Variants in KCND2 observed in about 807,000 individuals in gnomAD.
The protein encoded by KCND2 is A-type voltage-gated potassium channel KCND2.
Under a neutral mutation model 54.4 loss-of-function variants are expected in KCND2, and 16 were observed. That is an observed-to-expected ratio of 0.29 (90% CI 0.20 to 0.45). The LOEUF (loss-of-function observed/expected upper bound fraction) is 0.45. Ranked by LOEUF, KCND2 falls within the 20% of genes least tolerant of loss-of-function variation. KCND2 has a pLI of 1.00. For synonymous variants in KCND2, 317 were observed against 310.7 expected, an observed-to-expected ratio of 1.02 and a Z score of -0.21; for missense variants, 486 against 824.2, an observed-to-expected ratio of 0.59 and a Z score of 5.02.
intron 1 of KCND2, among the ~76,000 whole-genome samples, chr7:120,679,266 G>C (rs1481937807): frequency 6.6e-6 from 1 of 151,572 alleles, no homozygotes; most frequent in Non-Finnish European, 1.5e-5. Flanking sequence ...GCTTCTATAT[G>C]CTATTTCCAA....
chr7:120,586,677 T>A (rs1264709122), intron 1 of KCND2, among the ~76,000 whole-genome samples: 2 of 152,204 alleles, frequency 1.3e-5, no homozygotes, highest in East Asian at 3.8e-4. Context: ...AGATTTTCAC[T>A]GCTTTCTCAA....
chr7:120,644,265 GT>G (rs1310537078), intron 1 of KCND2, among the ~76,000 whole-genome samples: 6 of 152,102 alleles, frequency 3.9e-5, no homozygotes, highest in African/African-American at 1.4e-4. Context: ...GGGCATTCCT[GT>G]TTTCAACTCT....
intron 1 of KCND2, among the ~76,000 whole-genome samples, chr7:120,292,857 T>A (rs1156279777): frequency 6.6e-6 from 1 of 151,820 alleles, no homozygotes; most frequent in Non-Finnish European, 1.5e-5. Flanking sequence ...CATTCAAACT[T>A]TTGTTGTATA....
chr7:120,395,486 G>A (rs1336713669), intron 1 of KCND2, among the ~76,000 whole-genome samples: 2 of 151,986 alleles, frequency 1.3e-5, no homozygotes, highest in Non-Finnish European at 2.9e-5. Flanking sequence ...GGCCTAGCCT[G>A]GGAGAGTTCT....
At chr7:120,455,581 C>T (rs1802186958) in intron 1 of KCND2, among the ~76,000 whole-genome samples, 1 of 152,124 alleles carries the variant, frequency 6.6e-6, no homozygotes, top group African/African-American at 2.4e-5. Context: ...TGGAATCAAC[C>T]TGAATTCTCA....
At chr7:120,710,526 T>C (rs1792524442) in intron 1 of KCND2, among the ~76,000 whole-genome samples, 1 of 152,194 alleles carries the variant, frequency 6.6e-6, no homozygotes, top group Non-Finnish European at 1.5e-5. Flanking sequence ...ATATCTTCAC[T>C]GTCCTTTGAG....
chr7:120,469,155 C>A (rs900649678), intron 1 of KCND2, among the ~76,000 whole-genome samples: 2 of 152,092 alleles, frequency 1.3e-5, no homozygotes, highest in African/African-American at 2.4e-5. Context: ...GGTATAAATT[C>A]TTCAAATGTC....
At chr7:120,529,852 G>A (rs552526349) in intron 1 of KCND2, among the ~76,000 whole-genome samples, 1 of 152,216 alleles carries the variant, frequency 6.6e-6, no homozygotes, top group East Asian at 1.9e-4. Flanking sequence ...CGAGGCCGAG[G>A]CAGGAGGATC....
At chr7:120,658,574 G>C (rs1791830718) in intron 1 of KCND2, among the ~76,000 whole-genome samples, 1 of 152,030 alleles carries the variant, frequency 6.6e-6, no homozygotes. Flanking sequence ...CACCATTACT[G>C]TTTTCCATGA....
rs147634053 is a variant in KCND2, at chr7:120,652,161, C to T, written c.1116-80742C>T. Among the ~76,000 whole-genome samples the T allele has an allele frequency of 1.7e-3, 257 of 151,980 alleles. 3 individuals carry two copies. The highest frequency in any genetic ancestry group is 5.9e-3 in the African/African-American group (244 of 41,462). ...CACAGTCTTGGCTTACTCCAAACTCCGCCTCCCGGGTTCAAGTGATTCCCC... is the reference window on the plus strand; with the variant it reads ...CACAGTCTTGGCTTACTCCAAACTCTGCCTCCCGGGTTCAAGTGATTCCCC... On this transcript the variant is annotated intron_variant, in intron 1 of 5. Transcript: ENST00000331113.
chr7:120,473,486 A>G lies in KCND2; in HGVS notation c.1115+197739A>G, dbSNP rs185857406. Among the ~76,000 whole-genome samples the G allele has an allele frequency of 3.7e-3, 558 of 152,246 alleles. 3 individuals are homozygous for G. Among genetic ancestry groups the G allele is most frequent in the African/African-American group, 0.013 (531 of 41,542 alleles). ...TCATTCAGAACACTGCTCAAATGTC[A>G]TCTTCTCAAAAAGGCCTTCTCTGAT... On this transcript the variant is annotated intron_variant, in intron 1 of 5. Coordinates refer to ENST00000331113, the MANE Select transcript of KCND2 (RefSeq NM_012281.3).
Position 120,563,301 on chromosome 7 carries a change from T to C in KCND2, c.1116-169602T>C, listed in dbSNP as rs147383608. On this transcript the variant is annotated intron_variant, in intron 1 of 5. Transcript: ENST00000331113. ...TAAAGGGCCCATAAAACCCTTCCTC[T>C]TGTATTTTCTATCTCAGATTGCAAC... 2.3e-3 allele frequency among the ~76,000 whole-genome samples: 347 copies of C among 152,282 alleles called. 1 individual carries two copies. Among genetic ancestry groups the C allele is most frequent in the Non-Finnish European group, 2.8e-3 (188 of 68,008 alleles).
chr7:120,553,980 C>A (rs1792131949), intron 1 of KCND2, among the ~76,000 whole-genome samples: 1 of 152,144 alleles, frequency 6.6e-6, no homozygotes. Flanking sequence ...CCTTTGACTT[C>A]TTGACCTTGG....
intron 1 of KCND2, among the ~76,000 whole-genome samples, chr7:120,456,193 A>G (rs1275065301): frequency 6.6e-6 from 1 of 152,190 alleles, no homozygotes; most frequent in Non-Finnish European, 1.5e-5. Context: ...CATTTGAATC[A>G]AGAATAATAT....
intron 1 of KCND2, among the ~76,000 whole-genome samples, chr7:120,397,035 T>G (rs1291924398): frequency 6.6e-6 from 1 of 151,978 alleles, no homozygotes; most frequent in Non-Finnish European, 1.5e-5. Flanking sequence ...TATCTGATTT[T>G]CTTTCTTAGT....
rs189447744 is a variant in KCND2 at position 120,706,060 on chromosome 7, G to A, written c.1116-26843G>A. Among the ~76,000 whole-genome samples, 41 of 152,150 alleles carry A rather than the reference G, an allele frequency of 2.7e-4. No individual in the cohort carries two copies. In the East Asian group the frequency reaches 7.6e-3, roughly 28 times the overall value. ...CATGCAGTTCACCATCTATTTCATA[G>A]GGTTAGACTGTAGGAAGACCCTGGG... On this transcript the variant is annotated intron_variant, in intron 1 of 5. Transcript: ENST00000331113.
At chr7:120,309,874 A>G (rs1799711887) in intron 1 of KCND2, among the ~76,000 whole-genome samples, 1 of 152,192 alleles carries the variant, frequency 6.6e-6, no homozygotes, top group South Asian at 2.1e-4. Flanking sequence ...AACCAGTCAC[A>G]GGGAATTTCT....
intron 1 of KCND2, among the ~76,000 whole-genome samples, chr7:120,316,443 T>A (rs1056835800): frequency 6.6e-6 from 1 of 152,236 alleles, no homozygotes; most frequent in African/African-American, 2.4e-5. Flanking sequence ...AACTTACATT[T>A]AAATCAAAAC....
chr7:120,665,573 G>A (rs1214596246), intron 1 of KCND2, among the ~76,000 whole-genome samples: 1 of 152,010 alleles, frequency 6.6e-6, no homozygotes, highest in African/African-American at 2.4e-5. Flanking sequence ...GCAGGGTGTT[G>A]TGTATGCCTG....
Sources: gnomAD v4.1 joint callset for allele counts (sites outside exome capture counted in the v4.1 genomes callset) on GRCh38, gnomAD v4.1.1 for gene constraint, MANE v1.5 for transcripts, NCBI Gene and HGNC (gene_info 2026-07-23, HGNC 2026-07-21) for gene names.